The following HPSE2 variants were observed in gnomAD, a reference collection of about 807,000 sequenced individuals.
HPSE2 encodes inactive heparanase-2.
A neutral mutation model predicts 60.5 loss-of-function variants in HPSE2; 38 were observed. The ratio of observed to expected loss-of-function variants is 0.63; its 90% CI spans 0.48 to 0.82. The LOEUF (loss-of-function observed/expected upper bound fraction) is 0.82, where lower values mean the gene tolerates loss of function less well. HPSE2 is among the 40% of genes least tolerant of loss of function. The pLI is 0.00. For missense variants in HPSE2, 713 were observed against 740.4 expected (o/e 0.96, Z 0.43); for synonymous variants, 295 against 293.2 (o/e 1.01, Z -0.06).
chr10:98,673,630 G>A (rs975049627), intron 6 of HPSE2, among the ~76,000 whole-genome samples: 1 of 152,080 alleles, frequency 6.6e-6, no homozygotes, highest in African/African-American at 2.4e-5. Context: ...TGGACCAGGT[G>A]TTTATACTCA....
In HPSE2 at chr10:99,140,839, C is replaced by T. The variant is rs1346259070; in HGVS notation, c.610+3399G>A. The stretch of plus-strand genomic sequence containing the variant: ...GGATCACAAGGTCAGGAGTTTGAGA[C>T]CACCCTGGCCAATATGGTGAAACCC... On this transcript the variant is annotated intron_variant, in intron 3 of 11. Transcript: ENST00000370552. Among the ~76,000 whole-genome samples the T allele has an allele frequency of 2.0e-5, 3 of 152,156 alleles. No homozygotes were observed. In the South Asian group the frequency reaches 6.2e-4, roughly 31 times the overall value.
chr10:99,231,094 T>C (rs1849629840), intron 2 of HPSE2, among the ~76,000 whole-genome samples: 1 of 152,206 alleles, frequency 6.6e-6, no homozygotes, highest in Non-Finnish European at 1.5e-5. Flanking sequence ...GAGTAAGTCC[T>C]AGTCATGCTC....
At chr10:98,958,414 T>C (rs1955562704) in intron 3 of HPSE2, among the ~76,000 whole-genome samples, 1 of 152,092 alleles carries the variant, frequency 6.6e-6, no homozygotes, top group Admixed American at 6.6e-5. Context: ...AAGGAGACTC[T>C]AATGCAACAG....
chr10:99,084,359 T>G (rs1843249186), intron 3 of HPSE2, among the ~76,000 whole-genome samples: 1 of 152,150 alleles, frequency 6.6e-6, no homozygotes, highest in Non-Finnish European at 1.5e-5. Flanking sequence ...AGGGGGAAAT[T>G]AAAATGTAAA....
intron 6 of HPSE2, among the ~76,000 whole-genome samples, chr10:98,687,919 C>T (rs1206558238): frequency 6.6e-6 from 1 of 152,120 alleles, no homozygotes; most frequent in African/African-American, 2.4e-5. Context: ...CTTTTAATTA[C>T]ACTGTTTAGG....
intron 3 of HPSE2, chr10:99,013,968 C>G (rs1957075390): frequency 5.1e-6 from 2 of 393,244 alleles, no homozygotes; most frequent in Non-Finnish European, 5.3e-6. Flanking sequence ...GGCAGTGGAC[C>G]CTGCCTCCAG....
At chr10:98,715,662 T>C (rs1158889745) in intron 5 of HPSE2, among the ~76,000 whole-genome samples, 3 of 152,064 alleles carry the variant, frequency 2.0e-5, no homozygotes, top group East Asian at 1.9e-4. Flanking sequence ...CACTATACCA[T>C]AGTCTATTAA....
intron 3 of HPSE2, among the ~76,000 whole-genome samples, chr10:99,032,002 C>T (rs2135452967): frequency 6.6e-6 from 1 of 152,310 alleles, no homozygotes; most frequent in East Asian, 1.9e-4. Flanking sequence ...ATGCATGAAT[C>T]AACCTAGGCT....
intron 3 of HPSE2, among the ~76,000 whole-genome samples, chr10:99,002,846 T>C (rs1715941638): frequency 6.6e-6 from 1 of 152,118 alleles, no homozygotes; most frequent in African/African-American, 2.4e-5. Context: ...ATGGATCAAC[T>C]AAGCTATTAA....
chr10:99,179,476 C>T (rs879506806), intron 2 of HPSE2, among the ~76,000 whole-genome samples: 1 of 152,110 alleles, frequency 6.6e-6, no homozygotes, highest in Non-Finnish European at 1.5e-5. Flanking sequence ...AACAGACAAA[C>T]AGAGAGCCAA....
intron 3 of HPSE2, among the ~76,000 whole-genome samples, chr10:98,801,086 A>T (rs762391115): frequency 2.0e-5 from 3 of 152,210 alleles, no homozygotes; most frequent in African/African-American, 4.8e-5. Context: ...GATACATCAT[A>T]TCAACAAAAT....
chr10:98,515,023 C>T (rs115077716), intron 9 of HPSE2, among the ~76,000 whole-genome samples: 4,343 of 152,190 alleles, frequency 0.029, 124 homozygotes, highest in African/African-American at 0.071. Flanking sequence ...CGCGCCCAGC[C>T]CGTTATATAC....
chr10:98,641,694 G>A (rs533665353), intron 7 of HPSE2, among the ~76,000 whole-genome samples, 153 bp downstream of exon 7: 101 of 152,178 alleles, frequency 6.6e-4, no homozygotes, highest in African/African-American at 2.4e-3. Context: ...CAACTGTGAT[G>A]GGGAGCTTGT....
intron 3 of HPSE2, among the ~76,000 whole-genome samples, chr10:98,778,197 G>C (rs1004785743): frequency 7.4e-5 from 11 of 149,472 alleles, no homozygotes; most frequent in Non-Finnish European, 1.6e-4. Flanking sequence ...AGATCCATGG[G>C]AGAAGCACAT....
At chr10:98,557,448 A>C (rs1944043373) in intron 9 of HPSE2, among the ~76,000 whole-genome samples, 1 of 152,180 alleles carries the variant, frequency 6.6e-6, no homozygotes, top group African/African-American at 2.4e-5. Flanking sequence ...ATTGACTCCT[A>C]CCTTATCCCA....
At chr10:98,903,772 A>T (rs747757134) in intron 3 of HPSE2, among the ~76,000 whole-genome samples, 4 of 152,156 alleles carry the variant, frequency 2.6e-5, no homozygotes, top group Non-Finnish European at 5.9e-5. Context: ...GTCAAATAAG[A>T]CCAGGTGCCT....
At chr10:98,970,926 T>G (rs1418460197) in intron 3 of HPSE2, among the ~76,000 whole-genome samples, 1 of 152,156 alleles carries the variant, frequency 6.6e-6, no homozygotes, top group African/African-American at 2.4e-5. Flanking sequence ...CTAAAAACCT[T>G]AAATAAAACC....
intron 2 of HPSE2, among the ~76,000 whole-genome samples, chr10:99,161,466 C>A (rs192967291): frequency 7.0e-4 from 107 of 152,170 alleles, no homozygotes; most frequent in African/African-American, 2.4e-3. Flanking sequence ...AAAAAGACCA[C>A]GTATTATGAC....
At chr10:98,474,774 C>G (rs1032747336) in intron 11 of HPSE2, among the ~76,000 whole-genome samples, 1 of 152,034 alleles carries the variant, frequency 6.6e-6, no homozygotes, top group African/African-American at 2.4e-5. Context: ...AATATGGAAC[C>G]TATTAGCCCC....
Sources: gnomAD v4.1 joint callset for allele counts (sites outside exome capture counted in the v4.1 genomes callset) on GRCh38, gnomAD v4.1.1 for gene constraint, MANE v1.5 for transcripts, NCBI Gene and HGNC (gene_info 2026-07-23, HGNC 2026-07-21) for gene names.